CCDC13: variants seen among roughly 807,000 people sequenced by gnomAD.
The protein encoded by CCDC13 is coiled-coil domain-containing protein 13.
In CCDC13, 70 loss-of-function variants were observed where a neutral mutation model predicts 87.3. The ratio of observed to expected loss-of-function variants is 0.80; its 90% CI spans 0.66 to 0.98. The LOEUF (loss-of-function observed/expected upper bound fraction) is 0.98. CCDC13 is among the 50% of genes least tolerant of loss of function. CCDC13 has a pLI of 0.00. For synonymous variants in CCDC13, 317 were observed against 360.3 expected, an observed-to-expected ratio of 0.88 and a Z score of 1.36; for missense variants, 842 against 892.0, an observed-to-expected ratio of 0.94 and a Z score of 0.71.
chr3:42,752,746 T>C (rs765346788), intron 3 of CCDC13, 29 bp from the exon 4 acceptor site: 4 of 1,612,448 alleles, frequency 2.5e-6, no homozygotes, highest in Admixed American at 1.7e-5. Context: ...TGAGGTCAAT[T>C]AAAAACACAG....
intron 7 of CCDC13, among the ~76,000 whole-genome samples, chr3:42,743,396 T>C (rs531538184): frequency 2.0e-4 from 29 of 143,802 alleles, no homozygotes; most frequent in Non-Finnish European, 3.5e-4. Flanking sequence ...ATTTATTTAT[T>C]TATTTATTTA....
In CCDC13 at chr3:42,707,392, T is replaced by G. The variant is rs1698202482; in HGVS notation, c.*1588A>C. Among the ~76,000 whole-genome samples, 1 of 152,182 alleles carries G rather than the reference T, an allele frequency of 6.6e-6. No homozygotes were observed. Among genetic ancestry groups the G allele is most frequent in the Non-Finnish European group, 1.5e-5 (1 of 68,016 alleles). On this transcript the variant is annotated 3_prime_UTR_variant, in exon 16 of 16. Coordinates refer to ENST00000310232, the MANE Select transcript of CCDC13 (RefSeq NM_144719.4). The stretch of plus-strand genomic sequence containing the variant: ...ATCATCAGTTCATCCCGGTGGCCTT[T>G]GCTCTAACTTGCTGTGGGATCTCTA...
Position 42,742,891 on chromosome 3 carries a change from GTT to G in CCDC13, c.987+3_987+4del. 2 of 1,613,908 alleles carry G rather than the reference GTT, an allele frequency of 1.2e-6. No homozygotes were observed. Among genetic ancestry groups the G allele is most frequent in the Non-Finnish European group, 1.7e-6 (2 of 1,179,884 alleles). On this transcript the variant is annotated splice_donor_region_variant and intron_variant, in intron 8 of 15. Coordinates refer to ENST00000310232, the MANE Select transcript of CCDC13 (RefSeq NM_144719.4). The stretch of plus-strand genomic sequence containing the variant: ...GCCCAGCTGACCTCCTCAGGCACGC[GTT>G]ACCTCCAAGCCTTCCTGTTTTTCCC...
chr3:42,742,788 A>G (rs1432631967), intron 8 of CCDC13, 108 bp downstream of exon 8: 23 of 1,409,202 alleles, frequency 1.6e-5, no homozygotes, highest in East Asian at 2.3e-5. Context: ...TCTCCTGCCT[A>G]GAAGGGGTGG....
Position 42,751,814 on chromosome 3 carries a change from C to T in CCDC13, c.603+122G>A, listed in dbSNP as rs186574589. On this transcript the variant is annotated intron_variant, in intron 5 of 15. Transcript: ENST00000310232. Reference sequence around the variant, plus strand: ...AATGGTAGACAATGGGCACCTGGCTCGGCAGCGGGGTTGGGGGTTGGGGGT... The same window carrying T: ...AATGGTAGACAATGGGCACCTGGCTTGGCAGCGGGGTTGGGGGTTGGGGGT... The T allele has an allele frequency of 4.7e-4, 369 of 780,182 alleles. 1 individual carries two copies. The highest frequency in any genetic ancestry group is 9.6e-4 in the South Asian group (62 of 64,358). The allele number at this position is 780,182 out of a possible 1,614,324, so 48.3% of individuals were successfully genotyped here.
Position 42,708,197 on chromosome 3 carries a change from C to T in CCDC13, c.*783G>A, listed in dbSNP as rs1213694149. On this transcript the variant is annotated 3_prime_UTR_variant, in exon 16 of 16. Transcript: ENST00000310232. Reference sequence around the variant, plus strand: ...GTTCAGTGGTGGGTGGGTGCGCCTACCCTGGGTAATCTCTGAACGGCAAGA... The same window carrying T: ...GTTCAGTGGTGGGTGGGTGCGCCTATCCTGGGTAATCTCTGAACGGCAAGA... The T allele has an allele frequency of 6.6e-6, 1 of 152,092 alleles. No homozygotes were observed. The highest frequency in any genetic ancestry group is 6.6e-5 in the Admixed American group (1 of 15,256). The allele number at this position is 152,092 out of a possible 1,614,324, so 9.4% of individuals were successfully genotyped here.
chr3:42,770,925 G>A (rs975318824), intron 1 of CCDC13: 2 of 152,248 alleles, frequency 1.3e-5, no homozygotes, highest in Non-Finnish European at 2.9e-5. Flanking sequence ...ACAAACTCCA[G>A]ACACGCCACC....
In CCDC13 at chr3:42,746,087, CTGCTACGTAT is replaced by C. The variant is rs551717490; in HGVS notation, c.721-70_721-61del. Reference sequence around the variant, plus strand: ...GAGAGGGCTCCACCAGACCCTGATGCTGCTACGTATTTAGAAGCATATTCAGAAGCAGTCT... The same window carrying C: ...GAGAGGGCTCCACCAGACCCTGATGCTTAGAAGCATATTCAGAAGCAGTCT... On this transcript the variant is annotated intron_variant, in intron 6 of 15. Coordinates refer to ENST00000310232, the MANE Select transcript of CCDC13 (RefSeq NM_144719.4). The C allele has an allele frequency of 3.9e-5, 47 of 1,212,598 alleles. No homozygotes were observed. In the East Asian group the frequency reaches 1.0e-3, roughly 26 times the overall value. 75.1% of individuals were successfully genotyped at this position (1,212,598 alleles called of 1,614,324 possible).
At chr3:42,734,512 C>T (rs181172335) in intron 10 of CCDC13, among the ~76,000 whole-genome samples, 5 of 152,324 alleles carry the variant, frequency 3.3e-5, no homozygotes, top group African/African-American at 9.6e-5. Context: ...TTCAGCCTCA[C>T]AGCACTATGT....
intron 12 of CCDC13, among the ~76,000 whole-genome samples, chr3:42,731,450 A>G (rs1559643756): frequency 6.6e-6 from 1 of 151,750 alleles, no homozygotes. Context: ...ACTCCTAAAT[A>G]TGCTCTAAGG....
Position 42,706,201 on chromosome 3 carries a change from A to G in CCDC13, c.*2779T>C, listed in dbSNP as rs1698174968. The G allele has an allele frequency of 6.6e-6, 1 of 152,392 alleles. No individual in the cohort carries two copies. The highest frequency in any genetic ancestry group is 6.5e-5 in the Admixed American group (1 of 15,290). 9.4% of individuals were successfully genotyped at this position (152,392 alleles called of 1,614,324 possible). On this transcript the variant is annotated 3_prime_UTR_variant, in exon 16 of 16. Coordinates refer to ENST00000310232, the MANE Select transcript of CCDC13 (RefSeq NM_144719.4). Reference sequence around the variant, plus strand: ...CCTGGTGGCCGACTGGCTGGATGGAATGGTGACCTGTGACCAGTCTGTCTC... The same window carrying G: ...CCTGGTGGCCGACTGGCTGGATGGAGTGGTGACCTGTGACCAGTCTGTCTC...
Position 42,751,958 on chromosome 3 carries a change from GC to G in CCDC13, c.580del (p.Ala194ProfsTer14). 6.2e-7 allele frequency: 1 copy of G among 1,611,882 alleles called. No homozygotes were observed. On this transcript the variant is annotated frameshift_variant, in exon 5 of 16. Coordinates refer to ENST00000310232, the MANE Select transcript of CCDC13 (RefSeq NM_144719.4). LOFTEE classifies it high-confidence loss of function. ...ATDAGAKPPR[A>X]QMGDRALLET... is the part of the protein sequence containing the mutation. The stretch of plus-strand genomic sequence containing the variant: ...TACCAATGCTCTGTCTCCCATCTGG[GC>G]CCTCGGTGGCTTGGCTCCTGCGTCG...
chr3:42,730,242 C>T (rs1698790977), intron 13 of CCDC13, among the ~76,000 whole-genome samples: 2 of 152,152 alleles, frequency 1.3e-5, no homozygotes, highest in South Asian at 2.1e-4. Context: ...TGCCATACAA[C>T]AGTCCCATTG....
chr3:42,710,207 T>C (rs562343948), intron 14 of CCDC13, among the ~76,000 whole-genome samples: 10 of 151,756 alleles, frequency 6.6e-5, no homozygotes, highest in African/African-American at 2.4e-4. Flanking sequence ...CCTCCAGGGT[T>C]CAAGCGATTC....
Position 42,747,334 on chromosome 3 carries a change from C to A in CCDC13, c.643G>T (p.Val215Leu), listed in dbSNP as rs371453681. ...TCACTCATCTTCAAGTTGGTGGCCACCAGCCTGTCCTGCAGGGCCTTCACC... is the reference window on the plus strand; with the variant it reads ...TCACTCATCTTCAAGTTGGTGGCCAACAGCCTGTCCTGCAGGGCCTTCACC... ...PEVKALQDRL[V>L]ATNLKMSDLR... Residue 215 changes from valine to leucine, a missense_variant, in exon 6 of 16, where the codon GTG (valine) becomes TTG (leucine). Coordinates refer to ENST00000310232, the MANE Select transcript of CCDC13 (RefSeq NM_144719.4). The A allele has an allele frequency of 1.9e-5, 30 of 1,614,120 alleles. No homozygotes were observed. Among genetic ancestry groups the A allele is most frequent in the Non-Finnish European group, 2.5e-5 (30 of 1,180,026 alleles).
At chr3:42,743,603 A>G (rs1165659135) in intron 7 of CCDC13, among the ~76,000 whole-genome samples, 2 of 132,412 alleles carry the variant, frequency 1.5e-5, no homozygotes, top group African/African-American at 6.0e-5. Context: ...ATATATATAC[A>G]CACACACATA....
intron 13 of CCDC13, among the ~76,000 whole-genome samples, chr3:42,721,359 T>G (rs935439078): frequency 3.9e-5 from 6 of 152,190 alleles, no homozygotes. Flanking sequence ...TCTGATAACT[T>G]TGGAAATTGT....
intron 1 of CCDC13, among the ~76,000 whole-genome samples, chr3:42,759,318 A>C (rs999307236): frequency 1.6e-4 from 25 of 152,144 alleles, no homozygotes; most frequent in Admixed American, 2.6e-4. Context: ...AAAAAAAAAA[A>C]AAACACAAAT....
downstream of CCDC13, among the ~76,000 whole-genome samples, chr3:42,705,242 T>G (rs1300056046): frequency 6.6e-6 from 1 of 151,544 alleles, no homozygotes; most frequent in African/African-American, 2.4e-5. Flanking sequence ...TGGCTGGGGG[T>G]GGGGAGGAGA....
Sources: gnomAD v4.1 joint callset for allele counts (sites outside exome capture counted in the v4.1 genomes callset) on GRCh38, gnomAD v4.1.1 for gene constraint, MANE v1.5 for transcripts, NCBI Gene and HGNC (gene_info 2026-07-23, HGNC 2026-07-21) for gene names.